Variants in SFRP1 observed in about 807,000 individuals in gnomAD.
SFRP1 encodes secreted frizzled-related protein 1.
SFRP1 carries 9 observed loss-of-function variants against 25.9 expected under a neutral mutation model. That is an observed-to-expected ratio of 0.35 (90% CI 0.21 to 0.61). The LOEUF is 0.61. Among genes scored for constraint, SFRP1 ranks in the 20% least tolerant of loss-of-function variants. The probability of loss-of-function intolerance (pLI) is 0.78; values close to 1 mark genes in which losing one functional copy is unlikely to be tolerated. For missense variants in SFRP1, 346 were observed against 418.2 expected, an observed-to-expected ratio of 0.83 and a Z score of 1.51; for synonymous variants, 178 against 174.0, an observed-to-expected ratio of 1.02 and a Z score of -0.18.
chr8:41,272,203 A>T (rs60021850), intron 2 of SFRP1, among the ~76,000 whole-genome samples: 22,874 of 152,258 alleles, frequency 0.15, 2,874 homozygotes, highest in East Asian at 0.38. Context: ...AATAAATTAA[A>T]CATTCAATAT....
chr8:41,306,301 C>T (rs1291199192), intron 1 of SFRP1, among the ~76,000 whole-genome samples: 2 of 152,186 alleles, frequency 1.3e-5, no homozygotes, highest in Admixed American at 1.3e-4. Context: ...AAAGATATGA[C>T]ACTGCTTTGA....
chr8:41,270,921 G>T (rs757574031), intron 2 of SFRP1: 1 of 152,158 alleles, frequency 6.6e-6, no homozygotes, highest in Non-Finnish European at 1.5e-5. Flanking sequence ...GAGGAGGACC[G>T]GACAGGTGCT....
intron 2 of SFRP1, among the ~76,000 whole-genome samples, chr8:41,275,556 G>A (rs1022268469): frequency 2.2e-4 from 33 of 151,650 alleles, no homozygotes; most frequent in African/African-American, 8.0e-4. Context: ...AGGCTGGAGT[G>A]CAGTGGCGGA....
chr8:41,302,709 G>A (rs143114599), intron 2 of SFRP1, among the ~76,000 whole-genome samples: 2 of 152,266 alleles, frequency 1.3e-5, no homozygotes, highest in East Asian at 3.9e-4. Flanking sequence ...CTCAGGGTGT[G>A]GTGAATTCAG....
At chr8:41,300,811 G>A (rs1803905904) in intron 2 of SFRP1, among the ~76,000 whole-genome samples, 1 of 152,220 alleles carries the variant, frequency 6.6e-6, no homozygotes, top group Admixed American at 6.5e-5. Context: ...CAGCAGGCAG[G>A]CTGGTCGCCA....
chr8:41,295,226 T>C (rs188698396), intron 2 of SFRP1, among the ~76,000 whole-genome samples: 35 of 152,220 alleles, frequency 2.3e-4, no homozygotes, highest in African/African-American at 8.2e-4. Flanking sequence ...CCAGGCATGG[T>C]GGTGCGTGCC....
Position 41,265,019 on chromosome 8 carries a change from G to A in SFRP1, c.*148C>T, listed in dbSNP as rs960331042. The stretch of plus-strand genomic sequence containing the variant: ...AGCGTGGCTATGGAGGGAAGGGAGC[G>A]GGAATGCTGCAAGAACAAGCCGACT... On this transcript the variant is annotated 3_prime_UTR_variant, in exon 3 of 3. Coordinates refer to ENST00000220772, the MANE Select transcript of SFRP1 (RefSeq NM_003012.5). The A allele has an allele frequency of 7.3e-5, 46 of 631,646 alleles. No homozygotes were observed. Among genetic ancestry groups the A allele is most frequent in the African/African-American group, 3.1e-4 (17 of 54,560 alleles). 39.1% of individuals were successfully genotyped at this position (631,646 alleles called of 1,614,324 possible).
In SFRP1 at chr8:41,294,672, G is replaced by C. The variant is rs1012291571; in HGVS notation, c.622+8789C>G. On this transcript the variant is annotated intron_variant, in intron 2 of 2. Coordinates refer to ENST00000220772, the MANE Select transcript of SFRP1 (RefSeq NM_003012.5). ...CCAAGCCAGTAAGCATCTATTACCT[G>C]CACATCAATCCCTAAGTGCTGTCAA... Among the ~76,000 whole-genome samples the C allele has an allele frequency of 2.6e-5, 4 of 152,008 alleles. No homozygotes were observed. In the East Asian group the frequency reaches 7.7e-4, roughly 29 times the overall value.
intron 2 of SFRP1, among the ~76,000 whole-genome samples, chr8:41,286,514 G>A (rs932179488): frequency 6.6e-6 from 1 of 152,022 alleles, no homozygotes; most frequent in Non-Finnish European, 1.5e-5. Context: ...CGGGGGGAGG[G>A]GGTTCAGCCC....
At chr8:41,280,456 A>G (rs963441315) in intron 2 of SFRP1, among the ~76,000 whole-genome samples, 8 of 152,186 alleles carry the variant, frequency 5.3e-5, no homozygotes, top group African/African-American at 1.9e-4. Context: ...CATTCAAGGC[A>G]GCCAGGTGGC....
chr8:41,297,230 G>C (rs1803854859), intron 2 of SFRP1, among the ~76,000 whole-genome samples: 5 of 152,132 alleles, frequency 3.3e-5, no homozygotes, highest in Admixed American at 2.6e-4. Flanking sequence ...TTTTAGTAGA[G>C]ATGGGGTTTC....
At position 41,265,234 on chromosome 8, in the gene SFRP1, T is replaced by G; in HGVS notation, c.878A>C (p.Glu293Ala). The change falls in exon 3 of 3, where the codon GAG becomes GCG. Residue 293 changes from glutamate to alanine, a missense_variant. Transcript: ENST00000220772. ...AIHKWDKKNKEFKNFMKKMKN... is the reference protein window; with the variant it reads ...AIHKWDKKNKAFKNFMKKMKN... ...CATTTTCTTCATGAAGTTTTTGAACTCCTTGTTTTTCTTGTCCCACTTGTG... is the reference window on the plus strand; with the variant it reads ...CATTTTCTTCATGAAGTTTTTGAACGCCTTGTTTTTCTTGTCCCACTTGTG... The G allele has an allele frequency of 1.2e-6, 2 of 1,612,086 alleles. No individual in the cohort carries two copies. Among genetic ancestry groups the G allele is most frequent in the Non-Finnish European group, 1.7e-6 (2 of 1,179,090 alleles).
At chr8:41,290,238 A>G (rs1431481492) in intron 2 of SFRP1, among the ~76,000 whole-genome samples, 1 of 152,128 alleles carries the variant, frequency 6.6e-6, no homozygotes, top group Non-Finnish European at 1.5e-5. Flanking sequence ...ATATAACCCC[A>G]CGTGCACAGA....
chr8:41,297,240 C>T (rs995182486), intron 2 of SFRP1, among the ~76,000 whole-genome samples: 93 of 152,180 alleles, frequency 6.1e-4, no homozygotes, highest in African/African-American at 2.1e-3. Context: ...GATGGGGTTT[C>T]GCCATTTTGG....
At chr8:41,301,574 C>T (rs1334083976) in intron 2 of SFRP1, among the ~76,000 whole-genome samples, 5 of 152,218 alleles carry the variant, frequency 3.3e-5, no homozygotes, top group South Asian at 2.1e-4. Flanking sequence ...TCAGCGCCTC[C>T]GTGGCAGAGC....
chr8:41,303,433 C>G, intron 2 of SFRP1, 28 bp downstream of exon 2: 1 of 1,585,952 alleles, frequency 6.3e-7, no homozygotes, highest in Non-Finnish European at 8.7e-7. Context: ...TCCAAACCTT[C>G]CAGAGGCAGC....
chr8:41,290,183 TCCC>T (rs1210553870), intron 2 of SFRP1, among the ~76,000 whole-genome samples: 1 of 152,090 alleles, frequency 6.6e-6, no homozygotes, highest in Non-Finnish European at 1.5e-5. Context: ...GTCCCTTGTG[TCCC>T]CCAACTACAC....
At position 41,268,421 on chromosome 8, in the gene SFRP1, G is replaced by A. The variant is rs114285607; in HGVS notation, c.623-2932C>T. On this transcript the variant is annotated intron_variant, in intron 2 of 2. Coordinates refer to ENST00000220772, the MANE Select transcript of SFRP1 (RefSeq NM_003012.5). Reference sequence around the variant, plus strand: ...TCATTGGAAACTATTTCACTCTTCTGATTGTGTTGCTTTCAATCACAATTC... The same window carrying A: ...TCATTGGAAACTATTTCACTCTTCTAATTGTGTTGCTTTCAATCACAATTC... 2.8e-3 allele frequency among the ~76,000 whole-genome samples: 426 copies of A among 152,334 alleles called. 1 individual carries two copies. The highest frequency in any genetic ancestry group is 9.5e-3 in the African/African-American group (395 of 41,570).
intron 2 of SFRP1, among the ~76,000 whole-genome samples, chr8:41,268,623 G>T (rs954500146): frequency 3.9e-5 from 6 of 152,170 alleles, no homozygotes; most frequent in African/African-American, 1.4e-4. Flanking sequence ...CAGGAAAGAA[G>T]GCACGTATGG....
Sources: gnomAD v4.1 joint callset for allele counts (sites outside exome capture counted in the v4.1 genomes callset) on GRCh38, gnomAD v4.1.1 for gene constraint, MANE v1.5 for transcripts, NCBI Gene and HGNC (gene_info 2026-07-23, HGNC 2026-07-21) for gene names.